Variants in OTOGL observed in about 807,000 individuals in gnomAD.
OTOGL encodes the protein otogelin like.
In OTOGL, 285 loss-of-function variants were observed where a neutral mutation model predicts 318.5. The ratio of observed to expected loss-of-function variants is 0.89; its 90% CI spans 0.81 to 0.99. OTOGL has a LOEUF of 0.99. Among genes scored for constraint, OTOGL ranks in the 50% least tolerant of loss-of-function variants. The pLI is 0.00. For synonymous variants in OTOGL, 987 were observed against 936.5 expected, an observed-to-expected ratio of 1.05 and a Z score of -0.99; for missense variants, 2,899 against 2,845.6, an observed-to-expected ratio of 1.02 and a Z score of -0.43.
intron 57 of OTOGL, among the ~76,000 whole-genome samples, chr12:80,372,377 G>T (rs1395124106): frequency 6.6e-6 from 1 of 151,780 alleles, no homozygotes; most frequent in Non-Finnish European, 1.5e-5. Flanking sequence ...TATTACAAAA[G>T]GTATTTCATA....
At chr12:80,131,609 T>C (rs1871245008) in intron 1 of OTOGL, among the ~76,000 whole-genome samples, 1 of 152,212 alleles carries the variant, frequency 6.6e-6, no homozygotes, top group Non-Finnish European at 1.5e-5. Context: ...ATTTACTGCA[T>C]ATTTACTGTG....
intron 1 of OTOGL, among the ~76,000 whole-genome samples, chr12:80,129,860 T>A (rs1871129320): frequency 6.6e-6 from 1 of 152,186 alleles, no homozygotes; most frequent in Admixed American, 6.5e-5. Context: ...GCTTTGAAAC[T>A]CTTCTTTGTT....
chr12:80,336,141 G>A lies in OTOGL; in HGVS notation c.4600+1G>A. ...TGCTGCCCTGAGTGGGAATGTCCTT[G>A]TAAGTTTGCATTTCTTAAGCGGTGA... On this transcript the variant is annotated splice_donor_variant, in intron 39 of 58. Transcript: ENST00000547103. LOFTEE classifies it high-confidence loss of function. 2 of 1,568,078 alleles carry A rather than the reference G, an allele frequency of 1.3e-6. No homozygotes were observed. The highest frequency in any genetic ancestry group is 1.7e-6 in the Non-Finnish European group (2 of 1,168,144).
rs1188831194 is a variant in OTOGL at position 80,188,537 on chromosome 12, C to CAAA, written c.-19-20868_-19-20866dup. On this transcript the variant is annotated intron_variant, in intron 1 of 58. Transcript: ENST00000547103. ...TGGGCGACAGAGTGAGACTCTGTCT[C>CAAA]AAAAAAAAAATAATAATAATAATAA... 1.6e-3 allele frequency among the ~76,000 whole-genome samples: 228 copies of CAAA among 144,830 alleles called. 2 individuals are homozygous for CAAA. The highest frequency in any genetic ancestry group is 5.6e-3 in the African/African-American group (219 of 39,244).
Position 80,168,473 on chromosome 12 carries a change from G to A in OTOGL, c.-19-40940G>A, listed in dbSNP as rs1187865720. ...GGGGATCACAGAATAACCATACTGG[G>A]GAATTAAGATATGAAAATGATAAAA... On this transcript the variant is annotated intron_variant, in intron 1 of 58. Transcript: ENST00000547103. 2.6e-5 allele frequency among the ~76,000 whole-genome samples: 4 copies of A among 152,098 alleles called. No homozygotes were observed. In the East Asian group the frequency reaches 7.7e-4, roughly 29 times the overall value.
intron 1 of OTOGL, among the ~76,000 whole-genome samples, chr12:80,199,595 A>G (rs1357021069): frequency 2.0e-5 from 3 of 152,210 alleles, no homozygotes; most frequent in African/African-American, 7.2e-5. Flanking sequence ...TTTGTATAGA[A>G]TTCATACCAT....
At chr12:80,280,061 G>A (rs555152573) in intron 26 of OTOGL, among the ~76,000 whole-genome samples, 3 of 151,778 alleles carry the variant, frequency 2.0e-5, no homozygotes, top group East Asian at 1.9e-4. Context: ...ATGATGTTGA[G>A]CATTTTTTCA....
At chr12:80,349,628 G>A (rs1031873427) in intron 44 of OTOGL, among the ~76,000 whole-genome samples, 9 of 152,188 alleles carry the variant, frequency 5.9e-5, no homozygotes, top group Admixed American at 2.0e-4. Flanking sequence ...GAGAGATCGC[G>A]GAGGGTTTAG....
intron 1 of OTOGL, among the ~76,000 whole-genome samples, chr12:80,113,197 AC>A (rs2137083778): frequency 6.6e-6 from 1 of 152,240 alleles, no homozygotes; most frequent in East Asian, 1.9e-4. Flanking sequence ...TTTTCAAAAA[AC>A]CATCTCTGGG....
At position 80,229,270 on chromosome 12, in the gene OTOGL, C is replaced by G. The variant is rs771665324; in HGVS notation, c.503C>G (p.Pro168Arg). 19 of 1,597,868 alleles carry G rather than the reference C, an allele frequency of 1.2e-5. No individual in the cohort carries two copies. Among genetic ancestry groups the G allele is most frequent in the African/African-American group, 5.3e-5 (4 of 74,848 alleles). The change falls in exon 8 of 59, where the codon CCT (proline) becomes CGT (arginine). Residue 168 changes from proline to arginine, a missense_variant. This residue lies in a region of OTOGL where 2,607 missense variants were observed against 2,524.9 expected (regional missense o/e 1.03). Transcript: ENST00000547103. ...TCTCCCTTTAAGGTTCATAACAGCCCTAAATGCCTTGGTTCGGTGTATTCT... is the reference window on the plus strand; with the variant it reads ...TCTCCCTTTAAGGTTCATAACAGCCGTAAATGCCTTGGTTCGGTGTATTCT... The part of the protein sequence containing the change: ...PRYTVWVHNS[P>R]KCLGSVYSCY...
chr12:80,190,031 A>G (rs977827164), intron 1 of OTOGL, among the ~76,000 whole-genome samples: 13 of 152,292 alleles, frequency 8.5e-5, no homozygotes, highest in South Asian at 2.1e-4. Context: ...CTCCGGCCCC[A>G]TTTTTGTAGC....
At chr12:80,321,811 A>G (rs753323843) in intron 34 of OTOGL, among the ~76,000 whole-genome samples, 13 of 152,174 alleles carry the variant, frequency 8.5e-5, no homozygotes, top group Non-Finnish European at 1.8e-4. Flanking sequence ...TACTCACAAA[A>G]CAAGTCAGGC....
intron 44 of OTOGL, among the ~76,000 whole-genome samples, chr12:80,345,262 G>T (rs964248162): frequency 1.4e-5 from 2 of 140,554 alleles, no homozygotes; most frequent in Admixed American, 1.4e-4. Flanking sequence ...GTCTTGCTCT[G>T]TCATCCAGGC....
chr12:80,155,750 CCCA>C (rs1183109295), intron 1 of OTOGL, among the ~76,000 whole-genome samples: 1 of 152,108 alleles, frequency 6.6e-6, no homozygotes, highest in East Asian at 1.9e-4. Flanking sequence ...ATTAATCATC[CCCA>C]CCTCCCACCC....
At position 80,157,826 on chromosome 12, in the gene OTOGL, C is replaced by G. The variant is rs537382100; in HGVS notation, c.-19-51587C>G. ...AGGGTGACAGTGGTTTCTTGCTGCTCTCTGGCTTATCTCACTCTTCTATGT... is the reference window on the plus strand; with the variant it reads ...AGGGTGACAGTGGTTTCTTGCTGCTGTCTGGCTTATCTCACTCTTCTATGT... On this transcript the variant is annotated intron_variant, in intron 1 of 58. Coordinates refer to ENST00000547103, the MANE Select transcript of OTOGL (RefSeq NM_001378609.3). 4.6e-5 allele frequency among the ~76,000 whole-genome samples: 7 copies of G among 152,006 alleles called. No homozygotes were observed. In the South Asian group the frequency reaches 1.2e-3, roughly 27 times the overall value.
At chr12:80,276,764 C>T (rs563088301) in intron 24 of OTOGL, among the ~76,000 whole-genome samples, 2 of 151,652 alleles carry the variant, frequency 1.3e-5, no homozygotes, top group Non-Finnish European at 3.0e-5. Flanking sequence ...TATATAAATA[C>T]GTTTCTTCAG....
In OTOGL at chr12:80,377,201, C is replaced by T. The variant is rs1290734485; in HGVS notation, c.6860C>T (p.Pro2287Leu). The change falls in exon 58 of 59, where the codon CCT (proline) becomes CTT (leucine). Residue 2287 changes from proline to leucine, a missense_variant and splice_region_variant. Physicochemically the swap from Pro to Leu is moderately conservative, Grantham distance 98. This residue lies in a region of OTOGL where 289 missense variants were observed against 304.6 expected (regional missense o/e 0.95). Transcript: ENST00000547103. ...IRKQDCMSQS[P>L]INVASCDGKC... is the part of the protein sequence containing the mutation. ...AAACAGGACTGTATGAGCCAAAGCC[C>T]TGTAAGTGGAAAAATGTCATTTGCT... 6 of 1,592,822 alleles carry T rather than the reference C, an allele frequency of 3.8e-6. No individual in the cohort carries two copies. The highest frequency in any genetic ancestry group is 4.5e-5 in the East Asian group (2 of 44,376).
intron 1 of OTOGL, among the ~76,000 whole-genome samples, chr12:80,150,586 T>C (rs1422287275): frequency 2.7e-5 from 4 of 149,766 alleles, no homozygotes; most frequent in Non-Finnish European, 5.9e-5. Context: ...ACCTGCAGCC[T>C]TGTTAGTGGA....
At chr12:80,192,194 A>G (rs1367255097) in intron 1 of OTOGL, among the ~76,000 whole-genome samples, 2 of 152,224 alleles carry the variant, frequency 1.3e-5, no homozygotes, top group Non-Finnish European at 2.9e-5. Flanking sequence ...TCAGTAGGAC[A>G]AGTCAGACCT....
Sources: allele counts gnomAD v4.1 joint callset (sites outside exome capture counted in the v4.1 genomes callset), GRCh38; gene constraint gnomAD v4.1.1; regional missense constraint gnomAD v4.1.1; transcripts MANE v1.5; gene names NCBI Gene and HGNC (gene_info 2026-07-23, HGNC 2026-07-21).